ASH1L: variants seen among roughly 807,000 people sequenced by gnomAD.
The protein encoded by ASH1L is ASH1 like histone lysine methyltransferase.
Under a neutral mutation model 269.0 loss-of-function variants are expected in ASH1L, and 23 were observed. The ratio of observed to expected loss-of-function variants is 0.09; its 90% CI spans 0.06 to 0.12. The LOEUF is 0.12. Among genes scored for constraint, ASH1L ranks in the 10% least tolerant of loss-of-function variants. The probability of loss-of-function intolerance (pLI) is 1.00; values close to 1 mark genes in which losing one functional copy is unlikely to be tolerated. For synonymous variants in ASH1L, 1,187 were observed against 1,253.5 expected (o/e 0.95, Z 1.12); for missense variants, 2,912 against 3,567.8 (o/e 0.82, Z 4.68).
intron 25 of ASH1L, among the ~76,000 whole-genome samples, chr1:155,340,456 C>T (rs1447484378): frequency 6.6e-6 from 1 of 152,232 alleles, no homozygotes; most frequent in South Asian, 2.1e-4. Context: ...TCTGGGATTA[C>T]AGGTGTGAGC....
chr1:155,551,283 GA>G (rs908739550), intron 1 of ASH1L, among the ~76,000 whole-genome samples: 6 of 152,120 alleles, frequency 3.9e-5, no homozygotes, highest in Non-Finnish European at 7.3e-5. Context: ...CCTCGGGGGG[GA>G]AAAATTTTTG....
intron 1 of ASH1L, among the ~76,000 whole-genome samples, chr1:155,523,773 A>T (rs1413959157): frequency 6.6e-6 from 1 of 152,134 alleles, no homozygotes; most frequent in East Asian, 1.9e-4. Flanking sequence ...CAGGAGGCTG[A>T]GGCATGAGAA....
chr1:155,346,949 A>G (rs1276654709), intron 20 of ASH1L, among the ~76,000 whole-genome samples: 1 of 152,256 alleles, frequency 6.6e-6, no homozygotes, highest in Admixed American at 6.5e-5. Context: ...CTTCTTCATC[A>G]GGAGCCCTAC....
intron 1 of ASH1L, among the ~76,000 whole-genome samples, chr1:155,545,465 C>T (rs1432857324): frequency 6.6e-6 from 1 of 151,188 alleles, no homozygotes; most frequent in Non-Finnish European, 1.5e-5. Flanking sequence ...ATTTTTTATA[C>T]ACACACACAC....
At chr1:155,547,699 G>C (rs1388074952) in intron 1 of ASH1L, among the ~76,000 whole-genome samples, 5 of 151,852 alleles carry the variant, frequency 3.3e-5, no homozygotes, top group Middle Eastern at 3.2e-3. Flanking sequence ...CTCCAGCCAG[G>C]GCAACAAGAG....
intron 2 of ASH1L, among the ~76,000 whole-genome samples, chr1:155,516,603 G>T (rs552566315): frequency 3.3e-5 from 5 of 152,036 alleles, no homozygotes; most frequent in African/African-American, 1.2e-4. Context: ...GACCAGCTTG[G>T]GCAAAACAGC....
At chr1:155,399,301 T>C (rs1267352435) in intron 6 of ASH1L, among the ~76,000 whole-genome samples, 2 of 152,162 alleles carry the variant, frequency 1.3e-5, no homozygotes, top group African/African-American at 4.8e-5. Context: ...ACAACAAGTA[T>C]GTATGTAGAT....
chr1:155,505,916 G>A (rs979826126), intron 2 of ASH1L, among the ~76,000 whole-genome samples: 1 of 152,074 alleles, frequency 6.6e-6, no homozygotes, highest in Non-Finnish European at 1.5e-5. Context: ...GTATACCTGT[G>A]CCATGTTGGT....
intron 6 of ASH1L, among the ~76,000 whole-genome samples, chr1:155,406,637 A>C (rs1205722343): frequency 1.3e-5 from 2 of 152,168 alleles, no homozygotes; most frequent in Admixed American, 1.3e-4. Context: ...TGGGAGAAAG[A>C]GGCTGAAGTG....
chr1:155,338,832 G>C (rs1359317274), intron 26 of ASH1L, among the ~76,000 whole-genome samples: 1 of 152,134 alleles, frequency 6.6e-6, no homozygotes, highest in Non-Finnish European at 1.5e-5. Flanking sequence ...TAAGCTATTG[G>C]TGTAGGTAAA....
chr1:155,538,253 G>GTTTCACCAT (rs1558205219), intron 1 of ASH1L, among the ~76,000 whole-genome samples: 1 of 152,058 alleles, frequency 6.6e-6, no homozygotes, highest in African/African-American at 2.4e-5. Context: ...ATTTTGGCCA[G>GTTTCACCAT]GTTGGTCTTG....
chr1:155,432,204 T>A (rs1661663758), intron 5 of ASH1L, among the ~76,000 whole-genome samples: 1 of 152,212 alleles, frequency 6.6e-6, no homozygotes, highest in Non-Finnish European at 1.5e-5. Flanking sequence ...CCTGAAACTA[T>A]CATGCTTTTT....
intron 5 of ASH1L, among the ~76,000 whole-genome samples, chr1:155,423,363 G>A (rs1183091541): frequency 6.6e-6 from 1 of 151,810 alleles, no homozygotes; most frequent in East Asian, 2.0e-4. Context: ...GGCAGATCAC[G>A]AGTTCAGGAG....
intron 1 of ASH1L, among the ~76,000 whole-genome samples, chr1:155,535,409 T>C (rs1669986524): frequency 6.6e-6 from 1 of 152,038 alleles, no homozygotes. Context: ...GGAATTTTTG[T>C]TTTCCTTTGT....
chr1:155,365,372 ATTTTTTTT>A (rs142145021), intron 12 of ASH1L, among the ~76,000 whole-genome samples: 14 of 124,222 alleles, frequency 1.1e-4, no homozygotes, highest in Non-Finnish European at 1.8e-4. Flanking sequence ...TGCCCGGCTG[ATTTTTTTT>A]TTTTTTTTTT....
At chr1:155,430,719 C>A (rs971187172) in intron 5 of ASH1L, among the ~76,000 whole-genome samples, 7 of 152,108 alleles carry the variant, frequency 4.6e-5, no homozygotes, top group Non-Finnish European at 1.0e-4. Flanking sequence ...ATTTTATTAA[C>A]TTAAGGTGTA....
At chr1:155,338,457 G>T in intron 26 of ASH1L, 67 bp from the exon 27 acceptor site, 1 of 1,462,312 alleles carries the variant, frequency 6.8e-7, no homozygotes, top group Non-Finnish European at 9.3e-7. Context: ...AGGGTAGGAG[G>T]CCTCAAGATG....
intron 6 of ASH1L, among the ~76,000 whole-genome samples, chr1:155,414,861 T>C (rs1428577285): frequency 2.0e-5 from 3 of 152,180 alleles, no homozygotes; most frequent in Non-Finnish European, 4.4e-5. Flanking sequence ...TTGATGATAA[T>C]TTGCTATCCC....
At chr1:155,475,053 T>C (rs1250417450) in intron 3 of ASH1L, among the ~76,000 whole-genome samples, 2 of 152,230 alleles carry the variant, frequency 1.3e-5, no homozygotes, top group Non-Finnish European at 2.9e-5. Flanking sequence ...TCTCTCTGTA[T>C]TTCCTCTTTC....
Sources: allele counts gnomAD v4.1 joint callset (sites outside exome capture counted in the v4.1 genomes callset), GRCh38; gene constraint gnomAD v4.1.1; transcripts MANE v1.5; gene names NCBI Gene and HGNC (gene_info 2026-07-23, HGNC 2026-07-21).